Variants in OSBP2 observed in about 807,000 individuals in gnomAD.
The protein encoded by OSBP2 is oxysterol binding protein 2.
A neutral mutation model predicts 96.0 loss-of-function variants in OSBP2; 66 were observed. The ratio of observed to expected loss-of-function variants is 0.69; its 90% confidence interval spans 0.56 to 0.84. The LOEUF (loss-of-function observed/expected upper bound fraction) is 0.84, where lower values mean the gene tolerates loss of function less well. Ranked by LOEUF, OSBP2 falls within the 40% of genes least tolerant of loss-of-function variation. OSBP2 has a pLI of 0.00. For synonymous variants in OSBP2, 525 were observed against 520.9 expected, an observed-to-expected ratio of 1.01 and a Z score of -0.11; for missense variants, 1,038 against 1,222.7, an observed-to-expected ratio of 0.85 and a Z score of 2.25.
intron 1 of OSBP2, among the ~76,000 whole-genome samples, chr22:30,710,170 C>T (rs7288842): frequency 0.17 from 26,147 of 152,080 alleles, 2,578 homozygotes; most frequent in Middle Eastern, 0.24. Context: ...CAGGTGTGAG[C>T]CACCGTGCCC....
intron 2 of OSBP2, among the ~76,000 whole-genome samples, chr22:30,805,016 C>CTA (rs1015821968): frequency 2.0e-5 from 3 of 152,154 alleles, no homozygotes; most frequent in African/African-American, 7.2e-5. Context: ...ATCTATCTAT[C>CTA]TATATATATT....
At chr22:30,828,684 G>A (rs1439715844) in intron 2 of OSBP2, among the ~76,000 whole-genome samples, 6 of 152,196 alleles carry the variant, frequency 3.9e-5, no homozygotes, top group East Asian at 1.9e-4. Context: ...GCAGCATGTC[G>A]GAGGTGCCAG....
intron 2 of OSBP2, among the ~76,000 whole-genome samples, chr22:30,851,215 C>T (rs1451760677): frequency 2.0e-5 from 3 of 150,620 alleles, no homozygotes; most frequent in South Asian, 2.1e-4. Flanking sequence ...GCATGCGCCA[C>T]GCATACATGG....
At chr22:30,889,801 T>C (rs1032365647) in intron 7 of OSBP2, among the ~76,000 whole-genome samples, 165 bp downstream of exon 7, 2 of 152,162 alleles carry the variant, frequency 1.3e-5, no homozygotes, top group African/African-American at 4.8e-5. Context: ...CACATAGGCA[T>C]TGCCCAATCT....
chr22:30,713,134 A>G (rs1223564237), intron 1 of OSBP2, among the ~76,000 whole-genome samples: 1 of 147,848 alleles, frequency 6.8e-6, no homozygotes, highest in Non-Finnish European at 1.5e-5. Flanking sequence ...GCTGGAGTGC[A>G]GTGGCGTGAT....
chr22:30,735,192 A>T (rs921921725), intron 1 of OSBP2, among the ~76,000 whole-genome samples: 1 of 152,218 alleles, frequency 6.6e-6, no homozygotes, highest in Non-Finnish European at 1.5e-5. Context: ...ACTCTATTTC[A>T]AAAATAAAAT....
At chr22:30,762,869 G>C (rs2090223544) in intron 2 of OSBP2, among the ~76,000 whole-genome samples, 1 of 152,164 alleles carries the variant, frequency 6.6e-6, no homozygotes, top group Admixed American at 6.5e-5. Context: ...GTCTGAGCAT[G>C]GGCTTCCTAG....
chr22:30,897,675 C>T (rs898533408), intron 12 of OSBP2, among the ~76,000 whole-genome samples: 14 of 152,188 alleles, frequency 9.2e-5, no homozygotes, highest in Non-Finnish European at 1.5e-4. Context: ...GGTGACTCAA[C>T]GCCTGTAATC....
Position 30,858,549 on chromosome 22 carries a change from C to T in OSBP2, c.854-11880C>T, listed in dbSNP as rs544685389. ...AACCCCACAGCACCCTAATCCTCTT[C>T]ATGGCAAATACCTACACACTACCTT... On this transcript the variant is annotated intron_variant, in intron 2 of 13. Transcript: ENST00000332585. Among the ~76,000 whole-genome samples the T allele has an allele frequency of 2.2e-4, 34 of 152,072 alleles. No individual in the cohort carries two copies. The South Asian group carries it at 3.3e-3, about 15-fold the overall frequency.
rs1366721806 is a variant in OSBP2, at chr22:30,907,343, A to T, written c.*1004A>T. On this transcript the variant is annotated 3_prime_UTR_variant, in exon 14 of 14. Transcript: ENST00000332585. The stretch of plus-strand genomic sequence containing the variant: ...TATATATATATATATGAGATATATA[A>T]ATATATATAAAATAGCTATTTTGCT... 2.0e-5 allele frequency: 3 copies of T among 150,886 alleles called. No homozygotes were observed. The highest frequency in any genetic ancestry group is 4.4e-5 in the Non-Finnish European group (3 of 67,772). 9.3% of individuals were successfully genotyped at this position (150,886 alleles called of 1,614,324 possible). A position where few individuals can be genotyped will look rare whatever the true frequency, so the allele number is the denominator to read the frequency against.
chr22:30,694,263 C>T, upstream of OSBP2: 1 of 1,549,910 alleles, frequency 6.5e-7, no homozygotes, highest in Non-Finnish European at 8.7e-7. Context: ...AACCGTAGGC[C>T]AGCTGGCTCA....
At chr22:30,741,674 C>T (rs1281518066) in intron 2 of OSBP2, among the ~76,000 whole-genome samples, 1 of 152,136 alleles carries the variant, frequency 6.6e-6, no homozygotes, top group African/African-American at 2.4e-5. Flanking sequence ...GGTCCAGAAG[C>T]AGCAGTCAGT....
At chr22:30,875,132 C>T (rs1445960898) in intron 3 of OSBP2, among the ~76,000 whole-genome samples, 3 of 152,178 alleles carry the variant, frequency 2.0e-5, no homozygotes, top group Non-Finnish European at 2.9e-5. Context: ...TCTTCTAGTC[C>T]CATTTTCTCA....
chr22:30,803,379 A>G (rs999255305), intron 2 of OSBP2, among the ~76,000 whole-genome samples: 9 of 152,214 alleles, frequency 5.9e-5, no homozygotes, highest in Non-Finnish European at 1.0e-4. Flanking sequence ...CTCACAAGCC[A>G]GGGGACAAAG....
At chr22:30,842,072 G>A (rs2038763949) in intron 2 of OSBP2, among the ~76,000 whole-genome samples, 1 of 151,918 alleles carries the variant, frequency 6.6e-6, no homozygotes, top group African/African-American at 2.4e-5. Flanking sequence ...TCAACCTCCC[G>A]AGTAGCTGGG....
At chr22:30,760,406 T>A (rs1215252580) in intron 2 of OSBP2, among the ~76,000 whole-genome samples, 4 of 152,110 alleles carry the variant, frequency 2.6e-5, no homozygotes, top group Non-Finnish European at 1.5e-5. Flanking sequence ...TTCAACAAAA[T>A]ATTAACAATT....
At position 30,870,452 on chromosome 22, in the gene OSBP2, G is replaced by T. The variant is rs764425206; in HGVS notation, c.877G>T (p.Ala293Ser). ...HSDDSGDDDE[A>S]TTPADKSELH... is the part of the protein sequence containing the mutation. ...AGATGACTCTGGGGACGACGACGAG[G>T]CTACCACCCCAGCCGACAAGAGCGA... The change falls in exon 3 of 14, where the codon GCT (alanine) becomes TCT (serine). Residue 293 changes from alanine to serine, a missense_variant. Physicochemically the swap from Ala to Ser is moderately conservative, Grantham distance 99 (BLOSUM62 1). This residue lies in a region of OSBP2 where 737 missense variants were observed against 913.3 expected (regional missense o/e 0.81). Transcript: ENST00000332585. The surrounding 1 kb of genome is among the most constrained non-coding windows in gnomAD (Gnocchi z 4.1). 133 of 1,613,804 alleles carry T rather than the reference G, an allele frequency of 8.2e-5. No individual in the cohort carries two copies. The highest frequency in any genetic ancestry group is 1.1e-4 in the Non-Finnish European group (128 of 1,180,034).
Position 30,741,208 on chromosome 22 carries a change from C to G in OSBP2, c.692C>G (p.Ser231Cys). The G allele has an allele frequency of 6.2e-7, 1 of 1,614,190 alleles. No individual in the cohort carries two copies. The highest frequency in any genetic ancestry group is 8.5e-7 in the Non-Finnish European group (1 of 1,180,046). The change falls in exon 2 of 14, where the codon TCC becomes TGC. Residue 231 changes from serine (S) to cysteine (C), a missense_variant. By Grantham distance (112) the Ser-to-Cys change is moderately radical (BLOSUM62 -1). Transcript: ENST00000332585. ...ACGTGCCGTGGAACCATCAACCTGT[C>G]CACCGCGCACATTGACACGGAGGAC... ...AHTCRGTINL[S>C]TAHIDTEDSC...
chr22:30,888,847 C>T (rs952223279), intron 5 of OSBP2, among the ~76,000 whole-genome samples: 3 of 152,212 alleles, frequency 2.0e-5, no homozygotes, highest in Admixed American at 6.5e-5. Flanking sequence ...CTATATGGCA[C>T]AGCCTATAGC....
Sources: gnomAD v4.1 joint callset for allele counts (sites outside exome capture counted in the v4.1 genomes callset) on GRCh38, gnomAD v4.1.1 for gene constraint, gnomAD v4.1.1 regional missense constraint, Gnocchi (gnomAD v3.1) non-coding constraint, MANE v1.5 for transcripts, NCBI Gene and HGNC (gene_info 2026-07-23, HGNC 2026-07-21) for gene names.